BCORL1: variants seen among roughly 807,000 people sequenced by gnomAD.
BCORL1 encodes BCL6 corepressor like 1, also known as BCL-6 corepressor-like protein 1.
A neutral mutation model predicts 87.6 loss-of-function variants in BCORL1; 7 were observed. The observed-to-expected ratio is 0.08, with a 90% CI of 0.05 to 0.15. The LOEUF is 0.15. BCORL1 is among the 10% of genes least tolerant of loss of function. BCORL1 has a pLI of 1.00. For synonymous variants in BCORL1, 591 were observed against 634.4 expected (o/e 0.93, Z 1.03); for missense variants, 1,215 against 1,499.7 (o/e 0.81, Z 3.13).
intron 1 of BCORL1, among the ~76,000 whole-genome samples, chrX:129,991,013 G>T (rs1927103379): frequency 8.9e-6 from 1 of 112,054 alleles, no homozygotes; most frequent in South Asian, 3.7e-4. Context: ...TCGGCTTACT[G>T]CAACCTCCGC....
At chrX:130,022,527 C>T (rs1222476152) in intron 5 of BCORL1, among the ~76,000 whole-genome samples, 3 of 110,967 alleles carry the variant, frequency 2.7e-5, no homozygotes, top group Admixed American at 1.9e-4. Flanking sequence ...GGATTACAGG[C>T]GTGAGCCACC....
Position 130,028,764 on chromosome X carries a change from A to G in BCORL1, c.4208A>G (p.Asn1403Ser). Residue 1403 changes from asparagine (N) to serine (S), a missense_variant, in exon 8 of 14, where the codon AAC (asparagine) becomes AGC (serine). This residue lies in a region of BCORL1 where 166 missense variants were observed against 196.5 expected (regional missense o/e 0.84). Transcript: ENST00000540052. ...SDSPNGFLPN[N>S]LEEPACLENS... ...TCACCAAACGGTTTCCTCCCAAATAACCTGGAAGAGCCAGCCTGCCTTGAA... is the reference window on the plus strand; with the variant it reads ...TCACCAAACGGTTTCCTCCCAAATAGCCTGGAAGAGCCAGCCTGCCTTGAA... 8.3e-7 allele frequency: 1 copy of G among 1,210,703 alleles called. No homozygotes were observed. The highest frequency in any genetic ancestry group is 1.1e-6 in the Non-Finnish European group (1 of 895,223).
In BCORL1 at chrX:130,014,845, C is replaced by T. The variant is rs368398547; in HGVS notation, c.2073C>T (p.Pro691=). The part of the protein sequence containing the change: ...GSTSSPFVIF[P]EIVRNGDPST... ...CTTCCTCGCCCTTTGTCATCTTTCC[C>T]GAGATCGTGAGGAATGGGGACCCGA... Residue 691 remains proline, a synonymous_variant, in exon 4 of 14, where the codon CCC becomes CCT. Coordinates refer to ENST00000540052, the MANE Select transcript of BCORL1 (RefSeq NM_001379451.1). 87 of 1,209,391 alleles carry T rather than the reference C, an allele frequency of 7.2e-5. No homozygotes were observed. The Admixed American group carries it at 1.7e-3, about 24-fold the overall frequency.
Position 130,005,195 on chromosome X carries a change from G to C in BCORL1, c.-37G>C. On this transcript the variant is annotated 5_prime_UTR_variant, in exon 2 of 14. Coordinates refer to ENST00000540052, the MANE Select transcript of BCORL1 (RefSeq NM_001379451.1). ...TGGAATTCTTTTCCCCAGGGGGAGT[G>C]GCCACAGCAGGTCCTATCTGGTGGT... is the stretch of plus-strand genomic sequence containing the variant. 1 of 1,147,506 alleles carries C rather than the reference G, an allele frequency of 8.7e-7. No individual in the cohort carries two copies. Among genetic ancestry groups the C allele is most frequent in the Non-Finnish European group, 1.2e-6 (1 of 846,615 alleles). 94.6% of individuals were successfully genotyped at this position (1,147,506 alleles called of 1,213,427 possible).
chrX:130,050,198 G>A (rs902559373), intron 11 of BCORL1, among the ~76,000 whole-genome samples: 1 of 110,861 alleles, frequency 9.0e-6, no homozygotes, highest in Middle Eastern at 4.6e-3. Flanking sequence ...TTGGGAGGCC[G>A]AGGTGGGAGG....
chrX:130,025,112 A>C lies in BCORL1; in HGVS notation c.3811A>C (p.Thr1271Pro). The C allele has an allele frequency of 8.3e-7, 1 of 1,211,484 alleles. No homozygotes were observed. Among genetic ancestry groups the C allele is most frequent in the Non-Finnish European group, 1.1e-6 (1 of 895,449 alleles). ...TPAKRRKVRK[T>P]QRDTQYRSHH... ...AGCTAAGCGTCGAAAGGTGAGAAAG[A>C]CCCAACGGGACACCCAGTATCGCAG... The change falls in exon 7 of 14, where the codon ACC becomes CCC. Residue 1271 changes from threonine (T) to proline (P), a missense_variant. This residue lies in a region of BCORL1 where 166 missense variants were observed against 196.5 expected (regional missense o/e 0.84). Coordinates refer to ENST00000540052, the MANE Select transcript of BCORL1 (RefSeq NM_001379451.1).
chrX:130,015,289 G>A lies in BCORL1; in HGVS notation c.2517G>A (p.Ala839=), dbSNP rs201695526. 25 of 1,210,489 alleles carry A rather than the reference G, an allele frequency of 2.1e-5. No homozygotes were observed. Among genetic ancestry groups the A allele is most frequent in the African/African-American group, 3.5e-5 (2 of 57,453 alleles). ...TTGGCTGGTCCCCGTACCACCAGGC[G>A]TCTCTGCTTTCCATTGGCATTTCCA... is the stretch of plus-strand genomic sequence containing the variant. ...LPVGWSPYHQ[A]SLLSIGISSA... The change falls in exon 4 of 14, where the codon GCG becomes GCA. Residue 839 remains alanine, a synonymous_variant. Transcript: ENST00000540052.
chrX:130,015,757 G>T lies in BCORL1; in HGVS notation c.2985G>T (p.Leu995=), dbSNP rs778101050. ...TGGCCACCTACATGTCCCATGAGCT[G>T]GTCCTGGCCACCCCCCAGAACCTGC... is the stretch of plus-strand genomic sequence containing the variant. The part of the protein sequence containing the change: ...QVLATYMSHE[L]VLATPQNLPK... The change falls in exon 4 of 14, where the codon CTG becomes CTT. Residue 995 remains leucine (L), a synonymous_variant. Transcript: ENST00000540052. 14 of 1,210,087 alleles carry T rather than the reference G, an allele frequency of 1.2e-5. No homozygotes were observed. Among genetic ancestry groups the T allele is most frequent in the Non-Finnish European group, 1.6e-5 (14 of 895,246 alleles).
chrX:130,019,636 CTCCCTG>C (rs1482937417), intron 4 of BCORL1, among the ~76,000 whole-genome samples: 1 of 111,601 alleles, frequency 9.0e-6, no homozygotes, highest in Non-Finnish European at 1.9e-5. Flanking sequence ...GTAGTGGTGA[CTCCCTG>C]TCCCTGGAGA....
At chrX:129,997,827 C>T (rs900249162) in intron 1 of BCORL1, among the ~76,000 whole-genome samples, 1 of 99,073 alleles carries the variant, frequency 1.0e-5, no homozygotes, top group African/African-American at 3.6e-5. Context: ...AGTTATTGCT[C>T]TCTCATTAGT....
chrX:130,009,803 C>T (rs1288218092), intron 2 of BCORL1, among the ~76,000 whole-genome samples: 1 of 111,019 alleles, frequency 9.0e-6, no homozygotes, highest in East Asian at 2.8e-4. Flanking sequence ...TCAGTCCTGA[C>T]TGAAGCCTGC....
At chrX:130,037,984 G>A (rs1303742187) in intron 10 of BCORL1, among the ~76,000 whole-genome samples, 1 of 112,238 alleles carries the variant, frequency 8.9e-6, no homozygotes, top group Non-Finnish European at 1.9e-5. Context: ...GACAGGAGGA[G>A]TTTTGGAAAG....
chrX:130,051,821 T>C (rs1464758080), intron 12 of BCORL1, 39 bp from the exon 13 acceptor site: 4 of 1,114,263 alleles, frequency 3.6e-6, no homozygotes, highest in Middle Eastern at 2.5e-4. Context: ...GTTTTGTACA[T>C]GTATCTGAGT....
intron 1 of BCORL1, among the ~76,000 whole-genome samples, chrX:130,002,952 C>T (rs73633940): frequency 3.6e-3 from 400 of 109,763 alleles, no homozygotes; most frequent in African/African-American, 0.012. Context: ...AGAAGGGCCC[C>T]GGAGAAGCCA....
intron 11 of BCORL1, among the ~76,000 whole-genome samples, chrX:130,042,833 C>T (rs745665610): frequency 2.8e-4 from 30 of 108,646 alleles, no homozygotes; most frequent in African/African-American, 1.0e-3. Flanking sequence ...TTAGCTGGAC[C>T]GTGGTGGTGC....
chrX:130,028,861 G>A lies in BCORL1; in HGVS notation c.4305G>A (p.Lys1435=). 1 of 1,196,663 alleles carries A rather than the reference G, an allele frequency of 8.4e-7. No individual in the cohort carries two copies. The highest frequency in any genetic ancestry group is 1.1e-6 in the Non-Finnish European group (1 of 885,153). The change falls in exon 8 of 14, where the codon AAG becomes AAA. Residue 1435 remains lysine, a splice_region_variant and synonymous_variant. Coordinates refer to ENST00000540052, the MANE Select transcript of BCORL1 (RefSeq NM_001379451.1). ...TGGCAACCGTCTCAGAAGAGGCAAA[G>A]GTGTGTAGCTATCAAGGGGTATTGT... The part of the protein sequence containing the change: ...KHMATVSEEA[K]GKGRWSQQKT...
chrX:130,041,591 C>T (rs1243026413), intron 11 of BCORL1, among the ~76,000 whole-genome samples: 2 of 112,204 alleles, frequency 1.8e-5, no homozygotes, highest in African/African-American at 6.5e-5. Context: ...CCTCCTGAAA[C>T]TAAATTGAAT....
intron 8 of BCORL1, among the ~76,000 whole-genome samples, chrX:130,031,335 C>T (rs979826461): frequency 8.9e-6 from 1 of 112,388 alleles, no homozygotes; most frequent in Non-Finnish European, 1.9e-5. Flanking sequence ...CATGGCTTCT[C>T]GCTGTCTTGG....
chrX:130,056,153 TC>T lies in BCORL1; in HGVS notation c.*19del. 2.6e-6 allele frequency: 3 copies of T among 1,144,959 alleles called. No homozygotes were observed. The highest frequency in any genetic ancestry group is 3.5e-6 in the Non-Finnish European group (3 of 861,342). 94.4% of individuals were successfully genotyped at this position (1,144,959 alleles called of 1,213,427 possible). A position where few individuals can be genotyped will look rare whatever the true frequency, so the allele number is the denominator to read the frequency against. On this transcript the variant is annotated 3_prime_UTR_variant, in exon 14 of 14. Transcript: ENST00000540052. ...AACAGTTGACCGGGAAAACAGCCCC[TC>T]CTCTTCTTTCTCCTTCCGAGTTCGC...
Sources: gnomAD v4.1 joint callset for allele counts (sites outside exome capture counted in the v4.1 genomes callset) on GRCh38, gnomAD v4.1.1 for gene constraint, gnomAD v4.1.1 regional missense constraint, MANE v1.5 for transcripts, NCBI Gene and HGNC (gene_info 2026-07-23, HGNC 2026-07-21) for gene names.